SLC35F1: variants seen among roughly 807,000 people sequenced by gnomAD.
SLC35F1 encodes chromosome 6 open reading frame 169.
In SLC35F1, 14 loss-of-function variants were observed where a neutral mutation model predicts 48.7. That is an observed-to-expected ratio of 0.29 (90% CI 0.19 to 0.45). The LOEUF (loss-of-function observed/expected upper bound fraction) is 0.45, where lower values mean the gene tolerates loss of function less well. Ranked by LOEUF, SLC35F1 falls within the 20% of genes least tolerant of loss-of-function variation. SLC35F1 has a pLI of 1.00. For missense variants in SLC35F1, 404 were observed against 500.0 expected (o/e 0.81, Z 1.83); for synonymous variants, 190 against 202.2 (o/e 0.94, Z 0.51).
intron 1 of SLC35F1, among the ~76,000 whole-genome samples, chr6:117,942,657 G>A (rs979949321): frequency 6.6e-6 from 1 of 152,128 alleles, no homozygotes. Flanking sequence ...TGAAATTGCT[G>A]TTTCATGAAG....
intron 1 of SLC35F1, among the ~76,000 whole-genome samples, chr6:118,126,372 T>C (rs542458736): frequency 3.3e-5 from 5 of 152,258 alleles, no homozygotes; most frequent in Non-Finnish European, 7.3e-5. Context: ...CATGCTGTTT[T>C]GCTTACTGTA....
intron 4 of SLC35F1, among the ~76,000 whole-genome samples, chr6:118,275,197 C>T (rs920287682): frequency 2.6e-5 from 4 of 152,016 alleles, no homozygotes; most frequent in African/African-American, 9.7e-5. Flanking sequence ...AGATAGTGGG[C>T]TTTGTAGAGA....
intron 1 of SLC35F1, among the ~76,000 whole-genome samples, chr6:118,133,464 T>C (rs1020238038): frequency 6.6e-6 from 1 of 152,116 alleles, no homozygotes; most frequent in Non-Finnish European, 1.5e-5. Context: ...GAAAAGAAAA[T>C]GAATTTCCAC....
intron 1 of SLC35F1, among the ~76,000 whole-genome samples, chr6:118,068,006 G>T (rs987392815): frequency 1.3e-5 from 2 of 152,186 alleles, no homozygotes; most frequent in South Asian, 2.1e-4. Context: ...GAGGCAGGCG[G>T]TGCTGGTGCA....
Position 117,948,659 on chromosome 6 carries a change from A to G in SLC35F1, c.173+40760A>G, listed in dbSNP as rs568277742. Among the ~76,000 whole-genome samples, 3 of 152,276 alleles carry G rather than the reference A, an allele frequency of 2.0e-5. No homozygotes were observed. In the South Asian group the frequency reaches 6.2e-4, roughly 32 times the overall value. On this transcript the variant is annotated intron_variant, in intron 1 of 7. Coordinates refer to ENST00000360388, the MANE Select transcript of SLC35F1 (RefSeq NM_001029858.4). Reference sequence around the variant, plus strand: ...AAAGAAGAGACAAATGATACAAATAATACAATTGATAACTGCCTGCCCTGA... The same window carrying G: ...AAAGAAGAGACAAATGATACAAATAGTACAATTGATAACTGCCTGCCCTGA...
At chr6:118,295,061 T>C (rs1390448435) in intron 7 of SLC35F1, among the ~76,000 whole-genome samples, 1 of 152,076 alleles carries the variant, frequency 6.6e-6, no homozygotes, top group African/African-American at 2.4e-5. Context: ...TGACATCCTA[T>C]GAGGACAGGT....
At chr6:118,101,517 A>C (rs1391169852) in intron 1 of SLC35F1, among the ~76,000 whole-genome samples, 1 of 152,222 alleles carries the variant, frequency 6.6e-6, no homozygotes, top group Non-Finnish European at 1.5e-5. Flanking sequence ...CTAAGAACTG[A>C]AGACTGTACT....
intron 1 of SLC35F1, among the ~76,000 whole-genome samples, chr6:117,921,756 A>G (rs1279578249): frequency 6.6e-6 from 1 of 152,246 alleles, no homozygotes; most frequent in Non-Finnish European, 1.5e-5. Context: ...CCCAAAGTTA[A>G]TTCCAACCTG....
intron 1 of SLC35F1, among the ~76,000 whole-genome samples, chr6:118,084,831 C>G (rs552606717): frequency 6.6e-6 from 1 of 152,076 alleles, no homozygotes; most frequent in East Asian, 2.0e-4. Flanking sequence ...TGAGATGATT[C>G]CCTGGGACCA....
chr6:118,177,593 G>A (rs1000089002), intron 2 of SLC35F1, among the ~76,000 whole-genome samples: 3 of 151,992 alleles, frequency 2.0e-5, no homozygotes, highest in African/African-American at 7.2e-5. Flanking sequence ...CTGTTCTAGT[G>A]TGGTCCGGCC....
chr6:118,085,408 G>A (rs1180399679), intron 1 of SLC35F1, among the ~76,000 whole-genome samples: 1 of 149,802 alleles, frequency 6.7e-6, no homozygotes, highest in African/African-American at 2.5e-5. Flanking sequence ...TTTGCGCAAA[G>A]CCTATGTCAA....
intron 1 of SLC35F1, among the ~76,000 whole-genome samples, chr6:117,920,253 A>C (rs535581862): frequency 1.3e-5 from 2 of 152,236 alleles, no homozygotes; most frequent in South Asian, 4.1e-4. Context: ...TGGTGGCTGG[A>C]AAAGGGAGAA....
At chr6:118,229,435 G>A (rs560845411) in intron 2 of SLC35F1, among the ~76,000 whole-genome samples, 161 of 152,288 alleles carry the variant, frequency 1.1e-3, no homozygotes, top group Non-Finnish European at 2.0e-3. Flanking sequence ...ACTCCAGTAT[G>A]ACAGGCACCC....
At chr6:118,037,241 C>T (rs1040004848) in intron 1 of SLC35F1, among the ~76,000 whole-genome samples, 8 of 152,024 alleles carry the variant, frequency 5.3e-5, no homozygotes, top group East Asian at 1.9e-4. Context: ...TAAAGTGTAT[C>T]TTTTTAAGAC....
At chr6:118,233,676 T>G (rs1402208159) in intron 2 of SLC35F1, among the ~76,000 whole-genome samples, 1 of 152,208 alleles carries the variant, frequency 6.6e-6, no homozygotes, top group Non-Finnish European at 1.5e-5. Flanking sequence ...CCCAGTCTAG[T>G]GAAGAGTCAG....
chr6:117,916,726 T>C (rs891418674), intron 1 of SLC35F1, among the ~76,000 whole-genome samples: 2 of 152,106 alleles, frequency 1.3e-5, no homozygotes, highest in Admixed American at 1.3e-4. Flanking sequence ...TTTTCAGAGA[T>C]CACGCAATTA....
rs367694719 is a variant in SLC35F1, at chr6:118,235,668, C to T, written c.477+32C>T. 35 of 1,605,170 alleles carry T rather than the reference C, an allele frequency of 2.2e-5. No individual in the cohort carries two copies. The African/African-American group carries it at 4.6e-4, about 21-fold the overall frequency. The stretch of plus-strand genomic sequence containing the variant: ...ATGGTTCTTCTTCCCTTCTCAACTT[C>T]CTCTATCCAGATGTAGTTTACTTTC... On this transcript the variant is annotated intron_variant, in intron 3 of 7. Coordinates refer to ENST00000360388, the MANE Select transcript of SLC35F1 (RefSeq NM_001029858.4).
intron 7 of SLC35F1, among the ~76,000 whole-genome samples, chr6:118,294,131 T>G (rs1276566700): frequency 6.6e-6 from 1 of 152,230 alleles, no homozygotes; most frequent in Non-Finnish European, 1.5e-5. Context: ...ATTCCTGTCT[T>G]ATTTCATTTT....
chr6:118,287,128 A>T (rs1776060908), intron 7 of SLC35F1, among the ~76,000 whole-genome samples: 1 of 152,164 alleles, frequency 6.6e-6, no homozygotes, highest in East Asian at 1.9e-4. Context: ...CATAAGGGTA[A>T]AAAGCAAGAT....
Sources: gnomAD v4.1 joint callset for allele counts (sites outside exome capture counted in the v4.1 genomes callset) on GRCh38, gnomAD v4.1.1 for gene constraint, MANE v1.5 for transcripts, NCBI Gene and HGNC (gene_info 2026-07-23, HGNC 2026-07-21) for gene names.